SNX22: variants seen among roughly 807,000 people sequenced by gnomAD.
SNX22 encodes the protein sorting nexin-22.
A neutral mutation model predicts 24.7 loss-of-function variants in SNX22; 23 were observed. The ratio of observed to expected loss-of-function variants is 0.93; its 90% CI spans 0.67 to 1.32. The LOEUF (loss-of-function observed/expected upper bound fraction) is 1.32, where lower values mean the gene tolerates loss of function less well. Ranked by LOEUF, SNX22 falls within the 40% of genes most tolerant of loss-of-function variation. The probability of loss-of-function intolerance (pLI) is 0.00; values close to 1 mark genes in which losing one functional copy is unlikely to be tolerated. For synonymous variants in SNX22, 99 were observed against 104.0 expected, an observed-to-expected ratio of 0.95 and a Z score of 0.29; for missense variants, 261 against 249.9, an observed-to-expected ratio of 1.04 and a Z score of -0.30.
rs1184590379 is a variant in SNX22, at chr15:64,156,212, C to G, written c.*1704C>G. ...GAGGTCCACCGCTCAGGAGAAAGGC[C>G]CCAGCGTATGGCTCAGGAGGGCTAA... is the stretch of plus-strand genomic sequence containing the variant. On this transcript the variant is annotated 3_prime_UTR_variant, in exon 7 of 7. Coordinates refer to ENST00000325881, the MANE Select transcript of SNX22 (RefSeq NM_024798.3). This position sits in a 1 kb window ranked among gnomAD's most constrained non-coding sequence, Gnocchi z 6.4. The G allele has an allele frequency of 6.3e-7, 1 of 1,597,626 alleles. No homozygotes were observed. Among genetic ancestry groups the G allele is most frequent in the African/African-American group, 1.3e-5 (1 of 74,554 alleles).
At position 64,154,492 on chromosome 15, in the gene SNX22, T is replaced by C; in HGVS notation, c.566T>C (p.Leu189Pro). Residue 189 changes from leucine (L) to proline (P), a missense_variant, in exon 7 of 7, where the codon CTG becomes CCG. By Grantham distance (98) the Leu-to-Pro change is moderately conservative. Coordinates refer to ENST00000325881, the MANE Select transcript of SNX22 (RefSeq NM_024798.3). ...AAGGCGGCCTGTCACCCTGCTCCTC[T>C]GCCACCGATGCCCTGATCAGTCCAG... The part of the protein sequence containing the change: ...QPKAACHPAP[L>P]PPMP 1.2e-6 allele frequency: 2 copies of C among 1,614,184 alleles called. No homozygotes were observed. Among genetic ancestry groups the C allele is most frequent in the Non-Finnish European group, 1.7e-6 (2 of 1,180,038 alleles).
chr15:64,156,901 T>C lies in SNX22; in HGVS notation c.*2393T>C. On this transcript the variant is annotated 3_prime_UTR_variant, in exon 7 of 7. Transcript: ENST00000325881. This position sits in a 1 kb window ranked among gnomAD's most constrained non-coding sequence, Gnocchi z 6.4. ...TCATCGGGGAAGCGCTCACCGTAGATGCTCTTTCCTGGGAAAAAAGACAGA... is the reference window on the plus strand; with the variant it reads ...TCATCGGGGAAGCGCTCACCGTAGACGCTCTTTCCTGGGAAAAAAGACAGA... The C allele has an allele frequency of 6.2e-7, 1 of 1,614,092 alleles. No individual in the cohort carries two copies. The highest frequency in any genetic ancestry group is 1.1e-5 in the South Asian group (1 of 91,076).
Position 64,154,638 on chromosome 15 carries a change from T to G in SNX22, c.*130T>G. 8.0e-7 allele frequency: 1 copy of G among 1,250,218 alleles called. No individual in the cohort carries two copies. Among genetic ancestry groups the G allele is most frequent in the South Asian group, 1.6e-5 (1 of 64,084 alleles). 77.4% of individuals were successfully genotyped at this position (1,250,218 alleles called of 1,614,324 possible). On this transcript the variant is annotated 3_prime_UTR_variant, in exon 7 of 7. Transcript: ENST00000325881. ...TACCCAGTGCCCAGTTGTGCCACAT[T>G]CCCACTCAAGGCTCAGAACTTGGCT...
chr15:64,157,035 A>G lies in SNX22; in HGVS notation c.*2527A>G, dbSNP rs556783576. On this transcript the variant is annotated 3_prime_UTR_variant, in exon 7 of 7. Coordinates refer to ENST00000325881, the MANE Select transcript of SNX22 (RefSeq NM_024798.3). The surrounding 1 kb of genome is among the most constrained non-coding windows in gnomAD (Gnocchi z 4.2). ...GGCTAGGCTGGAGTGGACTACAAGG[A>G]CATAAAAGCAGCGTCCTTCCTATCT... 2 of 1,022,088 alleles carry G rather than the reference A, an allele frequency of 2.0e-6. No homozygotes were observed. Among genetic ancestry groups the G allele is most frequent in the South Asian group, 1.6e-5 (1 of 63,090 alleles). The allele number at this position is 1,022,088 out of a possible 1,614,324, so 63.3% of individuals were successfully genotyped here.
chr15:64,154,179 TG>T (rs974585144), intron 6 of SNX22, 177 bp downstream of exon 6: 10 of 1,573,644 alleles, frequency 6.4e-6, no homozygotes, highest in African/African-American at 2.7e-5. Context: ...TTGGCTTCCC[TG>T]GTCTCCATTT....
Position 64,152,755 on chromosome 15 carries a change from A to T in SNX22, c.264+13A>T. On this transcript the variant is annotated intron_variant, in intron 3 of 6. Coordinates refer to ENST00000325881, the MANE Select transcript of SNX22 (RefSeq NM_024798.3). Reference sequence around the variant, plus strand: ...GGCTTACATCCAGGTATGCGAGAGCACAGTTGGTTGCCCCCCGGCCTTCTG... The same window carrying T: ...GGCTTACATCCAGGTATGCGAGAGCTCAGTTGGTTGCCCCCCGGCCTTCTG... 1 of 1,612,684 alleles carries T rather than the reference A, an allele frequency of 6.2e-7. No homozygotes were observed. The highest frequency in any genetic ancestry group is 8.5e-7 in the Non-Finnish European group (1 of 1,178,824).
At chr15:64,152,144 C>A in intron 1 of SNX22, 99 bp from the exon 2 acceptor site, 1 of 1,194,912 alleles carries the variant, frequency 8.4e-7, no homozygotes, top group Non-Finnish European at 1.1e-6. Context: ...CGCTTTGTGC[C>A]TTTGAGAGCG....
Position 64,157,036 on chromosome 15 carries a change from C to T in SNX22, c.*2528C>T. ...GCTAGGCTGGAGTGGACTACAAGGACATAAAAGCAGCGTCCTTCCTATCTT... is the reference window on the plus strand; with the variant it reads ...GCTAGGCTGGAGTGGACTACAAGGATATAAAAGCAGCGTCCTTCCTATCTT... On this transcript the variant is annotated 3_prime_UTR_variant, in exon 7 of 7. Coordinates refer to ENST00000325881, the MANE Select transcript of SNX22 (RefSeq NM_024798.3). The surrounding 1 kb of genome is among the most constrained non-coding windows in gnomAD (Gnocchi z 4.2). The T allele has an allele frequency of 2.9e-6, 3 of 1,022,836 alleles. No individual in the cohort carries two copies. Among genetic ancestry groups the T allele is most frequent in the Non-Finnish European group, 4.3e-6 (3 of 705,280 alleles). The allele number at this position is 1,022,836 out of a possible 1,614,324, so 63.4% of individuals were successfully genotyped here.
Position 64,153,252 on chromosome 15 carries a change from T to C in SNX22, c.272T>C (p.Leu91Pro). 6.2e-7 allele frequency: 1 copy of C among 1,614,190 alleles called. No individual in the cohort carries two copies. Among genetic ancestry groups the C allele is most frequent in the Admixed American group, 1.7e-5 (1 of 60,024 alleles). The change falls in exon 4 of 7, where the codon CTG becomes CCG. Residue 91 changes from leucine (L) to proline (P), a missense_variant. Coordinates refer to ENST00000325881, the MANE Select transcript of SNX22 (RefSeq NM_024798.3). ...CTCCTCTGTCCTCTCCAGGGCATCC[T>C]GTACCTGAACCAGGAGGTGCCCAAG... ...QGLEAYIQGI[L>P]YLNQEVPKEL...
At position 64,154,382 on chromosome 15, in the gene SNX22, C is replaced by T. The variant is rs774060251; in HGVS notation, c.461-5C>T. The T allele has an allele frequency of 1.9e-6, 3 of 1,614,066 alleles. No individual in the cohort carries two copies. The highest frequency in any genetic ancestry group is 2.5e-6 in the Non-Finnish European group (3 of 1,180,010). ...AGGCCAGACCTGTTTAATTCTATCCCACAGAGTCGCTGCCCAACGTGGTGG... is the reference window on the plus strand; with the variant it reads ...AGGCCAGACCTGTTTAATTCTATCCTACAGAGTCGCTGCCCAACGTGGTGG... On this transcript the variant is annotated splice_region_variant and splice_polypyrimidine_tract_variant and intron_variant, in intron 6 of 6. Transcript: ENST00000325881.
chr15:64,151,890 G>A, intron 1 of SNX22, 40 bp downstream of exon 1: 3 of 1,505,112 alleles, frequency 2.0e-6, no homozygotes, highest in Non-Finnish European at 2.7e-6. Flanking sequence ...GCCGGGACCC[G>A]CAGGATTTCC....
chr15:64,153,060 C>T lies in SNX22; in HGVS notation c.265-185C>T, dbSNP rs987565112. On this transcript the variant is annotated intron_variant, in intron 3 of 6. Coordinates refer to ENST00000325881, the MANE Select transcript of SNX22 (RefSeq NM_024798.3). The stretch of plus-strand genomic sequence containing the variant: ...TTCCCCCAACAGCAAAGCTATGCCG[C>T]GTCATGGGGTACAACCTGTGCACAC... 7 of 697,134 alleles carry T rather than the reference C, an allele frequency of 1.0e-5. No homozygotes were observed. The African/African-American group carries it at 1.3e-4, about 13-fold the overall frequency. 43.2% of individuals were successfully genotyped at this position (697,134 alleles called of 1,614,324 possible). A position where few individuals can be genotyped will look rare whatever the true frequency, so the allele number is the denominator to read the frequency against.
Position 64,155,911 on chromosome 15 carries a change from G to C in SNX22, c.*1403G>C. On this transcript the variant is annotated 3_prime_UTR_variant, in exon 7 of 7. Transcript: ENST00000325881. ...GTCCATGGGCCTGTGGAATGTGAGG[G>C]GAGTGGGTCCGCTCCACCAGATGCC... 1 of 1,519,196 alleles carries C rather than the reference G, an allele frequency of 6.6e-7. No homozygotes were observed. The highest frequency in any genetic ancestry group is 9.1e-7 in the Non-Finnish European group (1 of 1,101,748). 94.1% of individuals were successfully genotyped at this position (1,519,196 alleles called of 1,614,324 possible).
Position 64,157,206 on chromosome 15 carries a change from T to G in SNX22, c.*2698T>G. On this transcript the variant is annotated 3_prime_UTR_variant, in exon 7 of 7. Transcript: ENST00000325881. The surrounding 1 kb of genome is among the most constrained non-coding windows in gnomAD (Gnocchi z 4.2). ...GCGCATGTTATCAGCTCCCCTTAGCTATGGCCCAGGCCTGCCACGGAGGGA... is the reference window on the plus strand; with the variant it reads ...GCGCATGTTATCAGCTCCCCTTAGCGATGGCCCAGGCCTGCCACGGAGGGA... 2.2e-6 allele frequency: 1 copy of G among 447,884 alleles called. No individual in the cohort carries two copies. Among genetic ancestry groups the G allele is most frequent in the South Asian group, 2.4e-5 (1 of 41,110 alleles). The allele number at this position is 447,884 out of a possible 1,614,324, so 27.7% of individuals were successfully genotyped here. A position where few individuals can be genotyped will look rare whatever the true frequency, so the allele number is the denominator to read the frequency against.
chr15:64,153,035 T>C (rs2081498703), intron 3 of SNX22: 1 of 642,208 alleles, frequency 1.6e-6, no homozygotes, highest in Admixed American at 2.9e-5. Context: ...GTGAGGGTCC[T>C]TCCCCCAACA....
Position 64,156,749 on chromosome 15 carries a change from C to T in SNX22, c.*2241C>T, listed in dbSNP as rs2081534657. Reference sequence around the variant, plus strand: ...CCATGCCCTCTAGAACTTTGCCAAACACCACATGCTTGCCATCTAGCCAGG... The same window carrying T: ...CCATGCCCTCTAGAACTTTGCCAAATACCACATGCTTGCCATCTAGCCAGG... On this transcript the variant is annotated 3_prime_UTR_variant, in exon 7 of 7. Transcript: ENST00000325881. The surrounding 1 kb of genome is among the most constrained non-coding windows in gnomAD (Gnocchi z 6.4). 2 of 1,614,198 alleles carry T rather than the reference C, an allele frequency of 1.2e-6. No homozygotes were observed. The highest frequency in any genetic ancestry group is 1.7e-5 in the Admixed American group (1 of 60,032).
Position 64,152,905 on chromosome 15 carries a change from C to A in SNX22, c.264+163C>A, listed in dbSNP as rs543442305. The stretch of plus-strand genomic sequence containing the variant: ...AGTCTAATATAGGTCCAAACACCCC[C>A]CTCTGGCTTGTTGAAAGGACTGAAA... On this transcript the variant is annotated intron_variant, in intron 3 of 6. Transcript: ENST00000325881. 5.0e-5 allele frequency: 32 copies of A among 644,216 alleles called. No individual in the cohort carries two copies. The South Asian group carries it at 5.6e-4, about 11-fold the overall frequency. The allele number at this position is 644,216 out of a possible 1,614,324, so 39.9% of individuals were successfully genotyped here.
In SNX22 at chr15:64,152,661, C is replaced by G. The variant is rs192651413; in HGVS notation, c.183C>G (p.Pro61=). The change falls in exon 3 of 7, where the codon CCC becomes CCG. Residue 61 remains proline (P), a synonymous_variant. Transcript: ENST00000325881. ...HKRIKKLYKV[P]DFPSKRLPNW... is the part of the protein sequence containing the mutation. The stretch of plus-strand genomic sequence containing the variant: ...AGATCAAGAAGCTGTACAAAGTGCC[C>G]GACTTCCCCTCGAAACGCCTGCCCA... 121 of 1,614,064 alleles carry G rather than the reference C, an allele frequency of 7.5e-5. No homozygotes were observed. The highest frequency in any genetic ancestry group is 9.7e-5 in the Non-Finnish European group (114 of 1,180,028).
intron 6 of SNX22, 72 bp from the exon 7 acceptor site, chr15:64,154,315 G>C: frequency 6.2e-7 from 1 of 1,600,698 alleles, no homozygotes; most frequent in Non-Finnish European, 8.5e-7. Flanking sequence ...TCCCAAGTGG[G>C]GGCTGAGCCC....
Sources: gnomAD v4.1 joint callset for allele counts on GRCh38, gnomAD v4.1.1 for gene constraint, Gnocchi (gnomAD v3.1) non-coding constraint, MANE v1.5 for transcripts, NCBI Gene and HGNC (gene_info 2026-07-23, HGNC 2026-07-21) for gene names.